SHISA9: variants seen among roughly 807,000 people sequenced by gnomAD.
The protein encoded by SHISA9 is protein shisa-9.
Under a neutral mutation model 38.0 loss-of-function variants are expected in SHISA9, and 13 were observed. The observed-to-expected ratio is 0.34, with a 90% CI of 0.22 to 0.54. The LOEUF (loss-of-function observed/expected upper bound fraction) is 0.54. SHISA9 is among the 20% of genes least tolerant of loss of function. The probability of loss-of-function intolerance (pLI) is 0.91; values close to 1 mark genes in which losing one functional copy is unlikely to be tolerated. For synonymous variants in SHISA9, 275 were observed against 242.0 expected (o/e 1.14, Z -1.27); for missense variants, 538 against 575.8 (o/e 0.93, Z 0.67).
In SHISA9 at chr16:12,916,913, G is replaced by C. The variant is rs369251045; in HGVS notation, c.691+98G>C. On this transcript the variant is annotated intron_variant, in intron 2 of 4. Transcript: ENST00000558583. Reference sequence around the variant, plus strand: ...TGGAGTGTGCTTGGGTTAGTTAAGAGCTCTTTGTGGGCAAGTTAGAAGCTT... The same window carrying C: ...TGGAGTGTGCTTGGGTTAGTTAAGACCTCTTTGTGGGCAAGTTAGAAGCTT... The C allele has an allele frequency of 3.0e-6, 4 of 1,345,162 alleles. No homozygotes were observed. In the Admixed American group the frequency reaches 1.2e-4, roughly 41 times the overall value. 83.3% of individuals were successfully genotyped at this position (1,345,162 alleles called of 1,614,324 possible). A position where few individuals can be genotyped will look rare whatever the true frequency, so the allele number is the denominator to read the frequency against.
chr16:13,484,666 G>A, the SHISA9 span, among the ~76,000 whole-genome samples: 1 of 152,180 alleles, frequency 6.6e-6, no homozygotes, highest in South Asian at 2.1e-4. Flanking sequence ...CTCACAGTGT[G>A]GCAGGTTGTA....
the SHISA9 span, among the ~76,000 whole-genome samples, chr16:13,434,419 G>GTTTTTTTTTTTTTT: frequency 2.5e-3 from 161 of 64,474 alleles, 10 homozygotes; most frequent in African/African-American, 4.9e-3. Flanking sequence ...GACAAGCTAT[G>GTTTTTTTTTTTTTT]TTTTTTTTTT....
intron 2 of SHISA9, among the ~76,000 whole-genome samples, chr16:13,153,336 T>C (rs2050515814): frequency 6.6e-6 from 1 of 152,112 alleles, no homozygotes; most frequent in Non-Finnish European, 1.5e-5. Context: ...TGTTTCTATA[T>C]TGGATTTTTA....
chr16:13,157,413 G>A (rs1334986045), intron 2 of SHISA9, among the ~76,000 whole-genome samples: 1 of 152,190 alleles, frequency 6.6e-6, no homozygotes, highest in East Asian at 1.9e-4. Context: ...CCTGGGTCCA[G>A]ATCCCAGCTC....
At chr16:13,158,541 TG>T (rs1254353206) in intron 2 of SHISA9, among the ~76,000 whole-genome samples, 2 of 152,200 alleles carry the variant, frequency 1.3e-5, no homozygotes, top group Non-Finnish European at 2.9e-5. Flanking sequence ...TTTCTCAAGA[TG>T]GCTTATTCAC....
chr16:13,205,202 C>T, intron 3 of SHISA9, among the ~76,000 whole-genome samples: 1 of 152,208 alleles, frequency 6.6e-6, no homozygotes, highest in East Asian at 1.9e-4. Context: ...TTTTAAAGCA[C>T]TCTGTGGCTG....
chr16:12,958,434 G>A (rs1174015128), intron 2 of SHISA9, among the ~76,000 whole-genome samples: 1 of 152,164 alleles, frequency 6.6e-6, no homozygotes, highest in Non-Finnish European at 1.5e-5. Context: ...ATTTCCCCCT[G>A]AAGCCCAAAT....
chr16:13,441,027 G>C, the SHISA9 span, among the ~76,000 whole-genome samples: 1 of 152,194 alleles, frequency 6.6e-6, no homozygotes, highest in African/African-American at 2.4e-5. Context: ...GAGAGCAAGA[G>C]GTGGGGTCTG....
At chr16:13,453,587 C>A in the SHISA9 span, among the ~76,000 whole-genome samples, 7 of 152,182 alleles carry the variant, frequency 4.6e-5, no homozygotes, top group African/African-American at 2.4e-5. Flanking sequence ...CATCCTAGAC[C>A]AGCCAGCCCC....
intron 2 of SHISA9, among the ~76,000 whole-genome samples, chr16:13,130,234 A>T (rs2050295238): frequency 6.6e-6 from 1 of 152,134 alleles, no homozygotes; most frequent in Admixed American, 6.6e-5. Flanking sequence ...ATTATGTCTT[A>T]TTTAATCCTT....
the SHISA9 span, among the ~76,000 whole-genome samples, chr16:13,463,270 G>C: frequency 6.6e-6 from 1 of 152,228 alleles, no homozygotes; most frequent in Non-Finnish European, 1.5e-5. Flanking sequence ...TATTGCAATA[G>C]TTCAATCCTG....
chr16:13,407,557 C>T, the SHISA9 span, among the ~76,000 whole-genome samples: 2 of 152,160 alleles, frequency 1.3e-5, no homozygotes, highest in African/African-American at 4.8e-5. Context: ...CTGTCATGAA[C>T]ACTGTTGGTT....
intron 2 of SHISA9, among the ~76,000 whole-genome samples, chr16:13,095,093 C>A (rs906185401): frequency 1.3e-5 from 2 of 152,124 alleles, no homozygotes; most frequent in African/African-American, 4.8e-5. Flanking sequence ...TTTACAGGTC[C>A]CAGGGATAAC....
At position 13,237,489 on chromosome 16, in the gene SHISA9, C is replaced by G. The variant is rs923405243; in HGVS notation, c.*2080C>G. The G allele has an allele frequency of 6.6e-6, 1 of 151,684 alleles. No homozygotes were observed. The highest frequency in any genetic ancestry group is 1.5e-5 in the Non-Finnish European group (1 of 67,974). 9.4% of individuals were successfully genotyped at this position (151,684 alleles called of 1,614,324 possible). A position where few individuals can be genotyped will look rare whatever the true frequency, so the allele number is the denominator to read the frequency against. On this transcript the variant is annotated 3_prime_UTR_variant, in exon 5 of 5. Coordinates refer to ENST00000558583, the MANE Select transcript of SHISA9 (RefSeq NM_001145204.3). ...ATCAGCCTGGTCAACATGGTGAAAC[C>G]CCGTCTCTACTAAAAATACAAACAT...
intron 2 of SHISA9, among the ~76,000 whole-genome samples, chr16:12,994,695 T>C (rs1202479095): frequency 6.6e-6 from 1 of 152,214 alleles, no homozygotes. Flanking sequence ...TGTTTGTTAC[T>C]GCAGCAAAAA....
At chr16:13,282,338 C>A in the SHISA9 span, among the ~76,000 whole-genome samples, 1 of 151,896 alleles carries the variant, frequency 6.6e-6, no homozygotes, top group Admixed American at 6.6e-5. Flanking sequence ...TTGTTTCTGG[C>A]CTCCCTTGTT....
intron 2 of SHISA9, among the ~76,000 whole-genome samples, chr16:13,097,591 A>G (rs895472010): frequency 6.6e-6 from 1 of 151,962 alleles, no homozygotes; most frequent in Non-Finnish European, 1.5e-5. Context: ...ATTTTTAGAG[A>G]TGGGGTCTTA....
At chr16:13,476,755 T>TTG in the SHISA9 span, among the ~76,000 whole-genome samples, 6 of 134,480 alleles carry the variant, frequency 4.5e-5, no homozygotes, top group Admixed American at 7.3e-5. Context: ...TTTTTTTTTT[T>TTG]TTTTTTTTTT....
chr16:13,074,278 T>A (rs745400367), intron 2 of SHISA9, among the ~76,000 whole-genome samples: 6 of 152,190 alleles, frequency 3.9e-5, no homozygotes, highest in South Asian at 4.2e-4. Context: ...CCATTTCTGC[T>A]GTTTTAAAGC....
Sources: gnomAD v4.1 joint callset for allele counts (sites outside exome capture counted in the v4.1 genomes callset) on GRCh38, gnomAD v4.1.1 for gene constraint, MANE v1.5 for transcripts, NCBI Gene and HGNC (gene_info 2026-07-23, HGNC 2026-07-21) for gene names.